Variants in NARS2 observed in about 807,000 individuals in gnomAD.
The protein encoded by NARS2 is asparaginyl-tRNA synthetase 2, mitochondrial.
Under a neutral mutation model 62.9 loss-of-function variants are expected in NARS2, and 60 were observed. The observed-to-expected ratio is 0.95, with a 90% confidence interval of 0.77 to 1.18. The LOEUF (loss-of-function observed/expected upper bound fraction) is 1.18, where lower values mean the gene tolerates loss of function less well. Among genes scored for constraint, NARS2 ranks in the 50% most tolerant of loss-of-function variants. The probability of loss-of-function intolerance (pLI) is 0.00; values close to 1 mark genes in which losing one functional copy is unlikely to be tolerated. For synonymous variants in NARS2, 196 were observed against 200.0 expected (o/e 0.98, Z 0.17); for missense variants, 619 against 576.4 (o/e 1.07, Z -0.76).
At chr11:78,560,432 A>G (rs748079417) in intron 4 of NARS2, among the ~76,000 whole-genome samples, 1 of 152,226 alleles carries the variant, frequency 6.6e-6, no homozygotes, top group Admixed American at 6.5e-5. Context: ...TATGGATGTA[A>G]GCAAAAGGTT....
At chr11:78,479,789 T>C (rs1364511059) in intron 7 of NARS2, among the ~76,000 whole-genome samples, 1 of 152,224 alleles carries the variant, frequency 6.6e-6, no homozygotes, top group Non-Finnish European at 1.5e-5. Context: ...GCTGGAAGCA[T>C]AGTGAAGGCG....
At chr11:78,556,573 G>C (rs760192267) in intron 5 of NARS2, among the ~76,000 whole-genome samples, 1 of 152,118 alleles carries the variant, frequency 6.6e-6, no homozygotes, top group South Asian at 2.1e-4. Flanking sequence ...AAGATCAATT[G>C]CTTTTTGATT....
At chr11:78,486,940 G>T (rs1353912838) in intron 7 of NARS2, among the ~76,000 whole-genome samples, 1 of 152,084 alleles carries the variant, frequency 6.6e-6, no homozygotes, top group African/African-American at 2.4e-5. Context: ...TTTAGAATTG[G>T]AAAATATGTG....
intron 7 of NARS2, among the ~76,000 whole-genome samples, chr11:78,488,523 G>T (rs545076596): frequency 6.6e-6 from 1 of 152,166 alleles, no homozygotes; most frequent in African/African-American, 2.4e-5. Context: ...TTTTAGCAGT[G>T]TTGGATTTCA....
intron 5 of NARS2, 35 bp from the exon 6 acceptor site, chr11:78,528,971 T>C (rs1861391193): frequency 7.2e-7 from 1 of 1,380,910 alleles, no homozygotes; most frequent in Non-Finnish European, 1.0e-6. Context: ...AAAAAACTAT[T>C]AAATGTTTTG....
At chr11:78,457,848 T>G (rs1169047862) in intron 11 of NARS2, among the ~76,000 whole-genome samples, 8 of 152,040 alleles carry the variant, frequency 5.3e-5, no homozygotes, top group Non-Finnish European at 1.2e-4. Flanking sequence ...ACACACATTG[T>G]ACTTTATCAT....
chr11:78,443,911 C>G (rs1857661273), intron 11 of NARS2, 153 bp from the exon 12 acceptor site: 1 of 582,302 alleles, frequency 1.7e-6, no homozygotes, highest in African/African-American at 1.9e-5. Context: ...TGGACAATTT[C>G]CTCTCTCTTG....
rs1309829983 is a variant in NARS2, at chr11:78,570,761, C to CA, written c.251+573dup. On this transcript the variant is annotated intron_variant, in intron 2 of 13. Coordinates refer to ENST00000281038, the MANE Select transcript of NARS2 (RefSeq NM_024678.6). ...AACAGGCAATAATTTGTCATATTGTCAGCACTATGCTAGAGGCCAAGAATA... is the reference window on the plus strand; with the variant it reads ...AACAGGCAATAATTTGTCATATTGTCAAGCACTATGCTAGAGGCCAAGAATA... 2.6e-5 allele frequency among the ~76,000 whole-genome samples: 4 copies of CA among 152,134 alleles called. No homozygotes were observed. The South Asian group carries it at 6.2e-4, about 24-fold the overall frequency.
chr11:78,459,548 G>T (rs750060564), intron 11 of NARS2, among the ~76,000 whole-genome samples: 4 of 152,150 alleles, frequency 2.6e-5, no homozygotes, highest in Admixed American at 1.3e-4. Flanking sequence ...GGGATTACAG[G>T]AGTGAGCCAC....
At chr11:78,468,783 A>T (rs867326267) in intron 10 of NARS2, among the ~76,000 whole-genome samples, 3 of 151,102 alleles carry the variant, frequency 2.0e-5, no homozygotes, top group African/African-American at 2.4e-5. Flanking sequence ...TTCTTTTTTT[A>T]AAAATTCACT....
chr11:78,541,095 G>T (rs1054402657), intron 5 of NARS2, among the ~76,000 whole-genome samples: 2 of 152,094 alleles, frequency 1.3e-5, no homozygotes, highest in Admixed American at 1.3e-4. Flanking sequence ...GGAGGCAGAG[G>T]TTGTTGTGAG....
At chr11:78,461,404 G>C (rs1270115548) in intron 11 of NARS2, among the ~76,000 whole-genome samples, 1 of 151,892 alleles carries the variant, frequency 6.6e-6, no homozygotes, top group African/African-American at 2.4e-5. Context: ...CAAGGGAGTA[G>C]AGGGTTATAA....
At chr11:78,464,906 C>T (rs1443386572) in intron 11 of NARS2, among the ~76,000 whole-genome samples, 1 of 152,266 alleles carries the variant, frequency 6.6e-6, no homozygotes, top group African/African-American at 2.4e-5. Context: ...CAGCTGGCTT[C>T]ACCCAGTGGA....
intron 6 of NARS2, among the ~76,000 whole-genome samples, chr11:78,525,113 C>A (rs140046146): frequency 1.3e-5 from 2 of 152,002 alleles, no homozygotes; most frequent in Non-Finnish European, 2.9e-5. Context: ...GATGGTAAAA[C>A]GATCAATGGT....
chr11:78,566,174 C>A lies in NARS2; in HGVS notation c.471G>T (p.Arg157Ser). 1 of 1,612,456 alleles carries A rather than the reference C, an allele frequency of 6.2e-7. No individual in the cohort carries two copies. The highest frequency in any genetic ancestry group is 8.5e-7 in the Non-Finnish European group (1 of 1,179,098). Residue 157 changes from arginine (R) to serine (S), a missense_variant, in exon 4 of 14, where the codon AGG (arginine) becomes AGT (serine). Transcript: ENST00000281038. ...CRTNVLGSILRIRSEATAAIH... is the reference protein window; with the variant it reads ...CRTNVLGSILSIRSEATAAIH... Reference sequence around the variant, plus strand: ...TAGCAGCTGTCGCTTCACTGCGAATCCTCAATATAGAACCCAGAACGTTAG... The same window carrying A: ...TAGCAGCTGTCGCTTCACTGCGAATACTCAATATAGAACCCAGAACGTTAG...
intron 5 of NARS2, 93 bp from the exon 6 acceptor site, chr11:78,529,029 C>A: frequency 1.5e-5 from 12 of 807,170 alleles, no homozygotes; most frequent in East Asian, 7.7e-5. Context: ...AATCACAATG[C>A]AATTAAATCT....
At position 78,517,394 on chromosome 11, in the gene NARS2, T is replaced by C. The variant is rs1313318958; in HGVS notation, c.689+11448A>G. Among the ~76,000 whole-genome samples the C allele has an allele frequency of 2.6e-5, 4 of 152,226 alleles. No homozygotes were observed. In the East Asian group the frequency reaches 5.8e-4, roughly 22 times the overall value. On this transcript the variant is annotated intron_variant, in intron 6 of 13. Coordinates refer to ENST00000281038, the MANE Select transcript of NARS2 (RefSeq NM_024678.6). The stretch of plus-strand genomic sequence containing the variant: ...AAGAACACAACTGGCATTCAGTTCA[T>C]AGGTGGGGAGCTGAGCAAAGAATCC...
chr11:78,452,119 A>C (rs143455481), intron 11 of NARS2, among the ~76,000 whole-genome samples: 1 of 148,422 alleles, frequency 6.7e-6, no homozygotes, highest in African/African-American at 2.6e-5. Flanking sequence ...TTTTTTTTTA[A>C]ATTTTTTTGA....
intron 7 of NARS2, among the ~76,000 whole-genome samples, chr11:78,480,198 C>T (rs1051871707): frequency 1.3e-5 from 2 of 152,174 alleles, no homozygotes; most frequent in Non-Finnish European, 2.9e-5. Flanking sequence ...CTGCACCTGG[C>T]CTAGTGGCAT....
Sources: gnomAD v4.1 joint callset for allele counts (sites outside exome capture counted in the v4.1 genomes callset) on GRCh38, gnomAD v4.1.1 for gene constraint, MANE v1.5 for transcripts, NCBI Gene and HGNC (gene_info 2026-07-23, HGNC 2026-07-21) for gene names.